Variants in TEKT5 observed in about 807,000 individuals in gnomAD.
The protein encoded by TEKT5 is tektin 5.
A neutral mutation model predicts 48.7 loss-of-function variants in TEKT5; 52 were observed. The ratio of observed to expected loss-of-function variants is 1.07; its 90% CI spans 0.86 to 1.35. The LOEUF (loss-of-function observed/expected upper bound fraction) is 1.35. TEKT5 is among the 40% of genes most tolerant of loss of function. The probability of loss-of-function intolerance (pLI) is 0.00; values close to 1 mark genes in which losing one functional copy is unlikely to be tolerated. For synonymous variants in TEKT5, 318 were observed against 267.6 expected, an observed-to-expected ratio of 1.19 and a Z score of -1.84; for missense variants, 831 against 641.6, an observed-to-expected ratio of 1.30 and a Z score of -3.19.
At chr16:10,685,026 G>A (rs1056639630) in intron 3 of TEKT5, among the ~76,000 whole-genome samples, 1 of 152,248 alleles carries the variant, frequency 6.6e-6, no homozygotes, top group Non-Finnish European at 1.5e-5. Flanking sequence ...GGCTCTGGCT[G>A]GCTCTCGGTT....
rs561837099 is a variant in TEKT5, at chr16:10,679,954, C to T, written c.863+2039G>A. Among the ~76,000 whole-genome samples the T allele has an allele frequency of 1.6e-3, 235 of 147,160 alleles. 1 individual carries two copies. The highest frequency in any genetic ancestry group is 5.5e-3 in the African/African-American group (226 of 40,798). On this transcript the variant is annotated intron_variant, in intron 4 of 6. Transcript: ENST00000283025. Reference sequence around the variant, plus strand: ...CCACAAATACAAAGCCCCAAGCTAGCACATCTGGGGAGCAATTAGTTGCTA... The same window carrying T: ...CCACAAATACAAAGCCCCAAGCTAGTACATCTGGGGAGCAATTAGTTGCTA...
At chr16:10,681,320 G>C (rs1192970454) in intron 4 of TEKT5, among the ~76,000 whole-genome samples, 2 of 152,146 alleles carry the variant, frequency 1.3e-5, no homozygotes, top group Non-Finnish European at 2.9e-5. Flanking sequence ...CTTGCTCAGT[G>C]TTAGCGTAGA....
At chr16:10,634,547 G>C (rs1350090022) in intron 6 of TEKT5, among the ~76,000 whole-genome samples, 4 of 152,156 alleles carry the variant, frequency 2.6e-5, no homozygotes, top group Admixed American at 6.5e-5. Context: ...GATGCTCCAA[G>C]GATGACCCTC....
At chr16:10,633,252 T>G (rs1897865548) in intron 6 of TEKT5, among the ~76,000 whole-genome samples, 1 of 151,952 alleles carries the variant, frequency 6.6e-6, no homozygotes, top group Non-Finnish European at 1.5e-5. Context: ...TCCCAGCTAC[T>G]CGGGAGGCTG....
chr16:10,677,589 A>G (rs1014918850), intron 4 of TEKT5, among the ~76,000 whole-genome samples: 1 of 147,236 alleles, frequency 6.8e-6, no homozygotes, highest in African/African-American at 2.7e-5. Flanking sequence ...AGCCTGGGCA[A>G]CAGAGTAAGA....
intron 5 of TEKT5, among the ~76,000 whole-genome samples, chr16:10,660,124 G>A (rs2541519): frequency 0.55 from 83,288 of 151,902 alleles, 23,445 homozygotes; most frequent in South Asian, 0.61. Context: ...CAGCTGGAGA[G>A]AGGCAGATCC....
chr16:10,648,649 A>C (rs1898106627), intron 5 of TEKT5, among the ~76,000 whole-genome samples: 1 of 152,132 alleles, frequency 6.6e-6, no homozygotes, highest in Non-Finnish European at 1.5e-5. Flanking sequence ...CCTGGTTTTT[A>C]GATAAGAGAA....
At chr16:10,636,849 C>T (rs1897920878) in intron 5 of TEKT5, among the ~76,000 whole-genome samples, 1 of 145,666 alleles carries the variant, frequency 6.9e-6, no homozygotes, top group Non-Finnish European at 1.5e-5. Flanking sequence ...GGGAGTCTCG[C>T]TCTGTCGCCC....
chr16:10,686,098 C>T (rs540882326), intron 3 of TEKT5, among the ~76,000 whole-genome samples: 1 of 152,126 alleles, frequency 6.6e-6, no homozygotes, highest in Non-Finnish European at 1.5e-5. Flanking sequence ...ACAAAAATAA[C>T]TGGAAGAAAG....
rs138829814 is a variant in TEKT5 at position 10,694,688 on chromosome 16, C to G, written c.186G>C (p.Gln62His). ...TACTGGTGCTCTCGTCCGGGCAGGT[C>G]TGGACGTTGGCTATCTTGTAGAAGA... ...PSLFYKIANVQTCPDESTSTL... is the reference protein window; with the variant it reads ...PSLFYKIANVHTCPDESTSTL... Residue 62 changes from glutamine (Q) to histidine (H), a missense_variant, in exon 1 of 7, where the codon CAG (glutamine) becomes CAC (histidine). Gln to His is a conservative substitution (Grantham distance 24). Transcript: ENST00000283025. 7 of 1,613,476 alleles carry G rather than the reference C, an allele frequency of 4.3e-6. No individual in the cohort carries two copies. The African/African-American group carries it at 8.0e-5, about 18-fold the overall frequency.
At position 10,682,134 on chromosome 16, in the gene TEKT5, T is replaced by C. The variant is rs770974150; in HGVS notation, c.722A>G (p.Asp241Gly). 2 of 1,614,002 alleles carry C rather than the reference T, an allele frequency of 1.2e-6. No homozygotes were observed. The highest frequency in any genetic ancestry group is 1.7e-6 in the Non-Finnish European group (2 of 1,179,948). ...CAGCACGTGCTGAGCATCCCGGTTA[T>C]CCCTGCAGGGAGGGAGGAGTCATTC... ...LAQRIDIQMRDNRDAQHVLER... is the reference protein window; with the variant it reads ...LAQRIDIQMRGNRDAQHVLER... Residue 241 changes from aspartate to glycine, a missense_variant and splice_region_variant, in exon 4 of 7, where the codon GAT becomes GGT. Coordinates refer to ENST00000283025, the MANE Select transcript of TEKT5 (RefSeq NM_144674.2).
chr16:10,665,944 C>A (rs188752747), intron 5 of TEKT5, among the ~76,000 whole-genome samples: 1 of 152,194 alleles, frequency 6.6e-6, no homozygotes, highest in Non-Finnish European at 1.5e-5. Flanking sequence ...CCTACAGGAA[C>A]GCAGTCTTCA....
At chr16:10,659,106 T>A (rs889123730) in intron 5 of TEKT5, among the ~76,000 whole-genome samples, 10 of 152,268 alleles carry the variant, frequency 6.6e-5, no homozygotes, top group African/African-American at 2.4e-4. Context: ...TAAATGCCAG[T>A]AGCATCCACC....
intron 5 of TEKT5, among the ~76,000 whole-genome samples, chr16:10,654,967 G>A (rs1232266226): frequency 3.3e-5 from 3 of 89,968 alleles, no homozygotes; most frequent in East Asian, 3.1e-4. Flanking sequence ...AGTCTGTGAC[G>A]AGATTTTTCA....
intron 5 of TEKT5, among the ~76,000 whole-genome samples, chr16:10,667,256 T>G (rs1423818189): frequency 6.6e-6 from 1 of 152,170 alleles, no homozygotes; most frequent in African/African-American, 2.4e-5. Flanking sequence ...AGTGCTGGGA[T>G]TACAGGCATG....
chr16:10,663,920 G>A (rs532988413), intron 5 of TEKT5, among the ~76,000 whole-genome samples: 3 of 152,324 alleles, frequency 2.0e-5, no homozygotes, highest in Admixed American at 6.5e-5. Flanking sequence ...AGCTGCTTTC[G>A]GAATATGTCA....
chr16:10,634,741 C>A (rs1338693719), intron 6 of TEKT5, among the ~76,000 whole-genome samples: 1 of 152,150 alleles, frequency 6.6e-6, no homozygotes, highest in East Asian at 1.9e-4. Flanking sequence ...AAGCAAGCCA[C>A]CATGCTGGAG....
intron 5 of TEKT5, among the ~76,000 whole-genome samples, chr16:10,638,844 A>G (rs74007180): frequency 0.023 from 3,435 of 152,342 alleles, 134 homozygotes; most frequent in African/African-American, 0.079. Flanking sequence ...AAACCATGGA[A>G]GTCTGGGGAA....
rs970345385 is a variant in TEKT5, at chr16:10,694,247, G to A, written c.564+63C>T. ...CCACCTTCATCTTCAGTCAAGGGAA[G>A]CAGAATGAGCGTGCAGTATCCCCAG... On this transcript the variant is annotated intron_variant, in intron 1 of 6. Coordinates refer to ENST00000283025, the MANE Select transcript of TEKT5 (RefSeq NM_144674.2). 3 of 1,477,306 alleles carry A rather than the reference G, an allele frequency of 2.0e-6. No homozygotes were observed. The Admixed American group carries it at 6.9e-5, about 34-fold the overall frequency. 91.5% of individuals were successfully genotyped at this position (1,477,306 alleles called of 1,614,324 possible).
Sources: gnomAD v4.1 joint callset for allele counts (sites outside exome capture counted in the v4.1 genomes callset) on GRCh38, gnomAD v4.1.1 for gene constraint, MANE v1.5 for transcripts, NCBI Gene and HGNC (gene_info 2026-07-23, HGNC 2026-07-21) for gene names.